MYRIP: variants seen among roughly 807,000 people sequenced by gnomAD.
MYRIP encodes rab effector MyRIP.
In MYRIP, 49 loss-of-function variants were observed where a neutral mutation model predicts 98.0. The observed-to-expected ratio is 0.50, with a 90% confidence interval of 0.40 to 0.63. The LOEUF (loss-of-function observed/expected upper bound fraction) is 0.63. Among genes scored for constraint, MYRIP ranks in the 30% least tolerant of loss-of-function variants. MYRIP has a pLI of 0.00. For missense variants in MYRIP, 1,004 were observed against 1,058.2 expected, an observed-to-expected ratio of 0.95 and a Z score of 0.71; for synonymous variants, 404 against 409.5, an observed-to-expected ratio of 0.99 and a Z score of 0.16.
At chr3:39,871,321 A>G (rs1266019308) in intron 1 of MYRIP, among the ~76,000 whole-genome samples, 1 of 152,230 alleles carries the variant, frequency 6.6e-6, no homozygotes, top group Non-Finnish European at 1.5e-5. Context: ...ATTTAAATAA[A>G]TGTAGGCTTG....
chr3:39,964,902 A>G lies in MYRIP; in HGVS notation c.110+63976A>G, dbSNP rs114157559. Among the ~76,000 whole-genome samples, 926 of 152,214 alleles carry G rather than the reference A, an allele frequency of 6.1e-3. 9 individuals are homozygous for G. The highest frequency in any genetic ancestry group is 0.021 in the African/African-American group (858 of 41,538). On this transcript the variant is annotated intron_variant, in intron 2 of 16. Coordinates refer to ENST00000302541, the MANE Select transcript of MYRIP (RefSeq NM_015460.4). Reference sequence around the variant, plus strand: ...GGAGAATCAATGGAAGTATAAATATATTGGGTCATTTTGATACAGACATTT... The same window carrying G: ...GGAGAATCAATGGAAGTATAAATATGTTGGGTCATTTTGATACAGACATTT...
intron 3 of MYRIP, among the ~76,000 whole-genome samples, chr3:40,103,109 T>C (rs1277051439): frequency 2.6e-5 from 4 of 152,016 alleles, no homozygotes; most frequent in African/African-American, 7.2e-5. Context: ...GGATTCTCCA[T>C]CAACCCCTGA....
intron 2 of MYRIP, among the ~76,000 whole-genome samples, chr3:39,998,535 A>C (rs1158190178): frequency 6.6e-6 from 1 of 152,228 alleles, no homozygotes; most frequent in African/African-American, 2.4e-5. Flanking sequence ...AGGAGGATAC[A>C]AACAAATGGA....
intron 1 of MYRIP, among the ~76,000 whole-genome samples, chr3:39,851,179 G>T (rs1053747558): frequency 6.6e-6 from 1 of 152,154 alleles, no homozygotes; most frequent in Non-Finnish European, 1.5e-5. Flanking sequence ...TATAAGCCAG[G>T]TTATTTAGTT....
In MYRIP at chr3:40,012,866, C is replaced by T. The variant is rs142279939; in HGVS notation, c.111-31184C>T. The stretch of plus-strand genomic sequence containing the variant: ...GCAGACAGCAGATCATGGGAGTTCT[C>T]GGCCCCCATAATTGCATGCGTCTAC... On this transcript the variant is annotated intron_variant, in intron 2 of 16. Transcript: ENST00000302541. 1.3e-3 allele frequency among the ~76,000 whole-genome samples: 198 copies of T among 152,216 alleles called. 1 individual carries two copies. The highest frequency in any genetic ancestry group is 4.6e-3 in the African/African-American group (193 of 41,526).
rs191929397 is a variant in MYRIP, at chr3:40,078,230, G to A, written c.332+33959G>A. On this transcript the variant is annotated intron_variant, in intron 3 of 16. Transcript: ENST00000302541. ...CAGCTGGCTGCTCCGAGTGCGGCCC[G>A]CCAAGCCCACGCCCACCCGGAACTC... Among the ~76,000 whole-genome samples the A allele has an allele frequency of 8.7e-3, 1,330 of 152,328 alleles. 16 individuals are homozygous for A. The highest frequency in any genetic ancestry group is 0.029 in the African/African-American group (1,202 of 41,574).
At chr3:39,890,551 CTTA>C (rs1257183260) in intron 1 of MYRIP, among the ~76,000 whole-genome samples, 1 of 149,986 alleles carries the variant, frequency 6.7e-6, no homozygotes, top group African/African-American at 2.4e-5. Flanking sequence ...TTATTTATTA[CTTA>C]TTATCAAAAG....
At chr3:40,071,316 G>C (rs1164627018) in intron 3 of MYRIP, 10 of 487,128 alleles carry the variant, frequency 2.1e-5, no homozygotes, top group Non-Finnish European at 2.7e-5. Flanking sequence ...GGGGTGCACT[G>C]GTTGGTGGTT....
At chr3:40,036,463 A>G (rs1236857255) in intron 2 of MYRIP, among the ~76,000 whole-genome samples, 1 of 152,040 alleles carries the variant, frequency 6.6e-6, no homozygotes, top group Non-Finnish European at 1.5e-5. Context: ...AAGAAAATTA[A>G]CAGAAGGAAA....
chr3:39,867,059 C>T (rs1942648912), intron 1 of MYRIP, among the ~76,000 whole-genome samples: 1 of 151,988 alleles, frequency 6.6e-6, no homozygotes, highest in Admixed American at 6.6e-5. Context: ...ATAGTGAAAC[C>T]AAGCATTCAC....
intron 11 of MYRIP, among the ~76,000 whole-genome samples, chr3:40,229,638 T>C (rs535697010): frequency 6.6e-6 from 1 of 152,358 alleles, no homozygotes; most frequent in Admixed American, 6.5e-5. Context: ...TCCTCTGTCC[T>C]TGTGGCTCTG....
chr3:39,819,027 T>G (rs777548697), intron 1 of MYRIP, among the ~76,000 whole-genome samples: 1 of 152,212 alleles, frequency 6.6e-6, no homozygotes, highest in Non-Finnish European at 1.5e-5. Context: ...TATAAGTGAT[T>G]GTACATAAAT....
At position 39,847,875 on chromosome 3, in the gene MYRIP, AG is replaced by A. The variant is rs573847050; in HGVS notation, c.-31+37960del. Among the ~76,000 whole-genome samples, 5 of 151,550 alleles carry A rather than the reference AG, an allele frequency of 3.3e-5. No individual in the cohort carries two copies. The South Asian group carries it at 1.0e-3, about 31-fold the overall frequency. ...CCCCCCAAGGATTTCCCTGAATCCCAGTCTTTCTCTGAGTCTTTCTCTATGT... is the reference window on the plus strand; with the variant it reads ...CCCCCCAAGGATTTCCCTGAATCCCATCTTTCTCTGAGTCTTTCTCTATGT... On this transcript the variant is annotated intron_variant, in intron 1 of 16. Coordinates refer to ENST00000302541, the MANE Select transcript of MYRIP (RefSeq NM_015460.4).
At chr3:40,088,921 G>A (rs544792560) in intron 3 of MYRIP, among the ~76,000 whole-genome samples, 1 of 152,210 alleles carries the variant, frequency 6.6e-6, no homozygotes, top group African/African-American at 2.4e-5. Context: ...CATGGCAGGG[G>A]ATGAGGACTT....
intron 3 of MYRIP, among the ~76,000 whole-genome samples, chr3:40,116,304 G>A (rs1044994739): frequency 3.3e-5 from 5 of 152,040 alleles, no homozygotes; most frequent in African/African-American, 4.8e-5. Flanking sequence ...AAAGTAAGAC[G>A]TGGTCTCAAG....
intron 5 of MYRIP, among the ~76,000 whole-genome samples, chr3:40,163,658 G>A (rs1328655974): frequency 6.6e-6 from 1 of 152,100 alleles, no homozygotes; most frequent in East Asian, 1.9e-4. Flanking sequence ...TGGGCCTTCA[G>A]ACTCAGGACT....
chr3:40,260,199 T>C lies in MYRIP; in HGVS notation c.*2033T>C, dbSNP rs895973823. On this transcript the variant is annotated 3_prime_UTR_variant, in exon 17 of 17. Coordinates refer to ENST00000302541, the MANE Select transcript of MYRIP (RefSeq NM_015460.4). ...AAAATATTTTAATGGTTTAAGAAAA[T>C]GAGGACAACAGGATAATATCTTTGA... The C allele has an allele frequency of 6.6e-6, 1 of 152,254 alleles. No individual in the cohort carries two copies. The highest frequency in any genetic ancestry group is 2.4e-5 in the African/African-American group (1 of 41,468). 9.4% of individuals were successfully genotyped at this position (152,254 alleles called of 1,614,324 possible).
chr3:40,083,706 G>T (rs1321785423), intron 3 of MYRIP, among the ~76,000 whole-genome samples: 2 of 152,100 alleles, frequency 1.3e-5, no homozygotes, highest in South Asian at 2.1e-4. Context: ...ATCAATGAGG[G>T]TGACAGCAGA....
At chr3:40,233,603 C>G (rs1334660590) in intron 11 of MYRIP, among the ~76,000 whole-genome samples, 1 of 152,194 alleles carries the variant, frequency 6.6e-6, no homozygotes, top group African/African-American at 2.4e-5. Flanking sequence ...CACTCTAGCA[C>G]TCCTTCCTCC....
Sources: gnomAD v4.1 joint callset for allele counts (sites outside exome capture counted in the v4.1 genomes callset) on GRCh38, gnomAD v4.1.1 for gene constraint, MANE v1.5 for transcripts, NCBI Gene and HGNC (gene_info 2026-07-23, HGNC 2026-07-21) for gene names.